CSTF1: variants seen among roughly 807,000 people sequenced by gnomAD.
CSTF1 encodes cleavage stimulation factor subunit 1, also known as CF-1 50 kDa subunit.
Under a neutral mutation model 40.9 loss-of-function variants are expected in CSTF1, and 2 were observed. That is an observed-to-expected ratio of 0.05 (90% confidence interval 0.02 to 0.15). The LOEUF (loss-of-function observed/expected upper bound fraction) is 0.15. Among genes scored for constraint, CSTF1 ranks in the 10% least tolerant of loss-of-function variants. CSTF1 has a pLI of 1.00. For synonymous variants in CSTF1, 218 were observed against 207.2 expected, an observed-to-expected ratio of 1.05 and a Z score of -0.45; for missense variants, 279 against 558.9, an observed-to-expected ratio of 0.50 and a Z score of 5.05.
At chr20:56,403,364 G>A in intron 5 of CSTF1, 104 bp from the exon 6 acceptor site, 1 of 1,321,266 alleles carries the variant, frequency 7.6e-7, no homozygotes, top group South Asian at 1.3e-5. Flanking sequence ...TGTACAAGGT[G>A]TATCACTGCA....
At chr20:56,403,174 CT>C (rs75875923) in intron 5 of CSTF1, among the ~76,000 whole-genome samples, 215 of 145,912 alleles carry the variant, frequency 1.5e-3, no homozygotes, top group Middle Eastern at 7.2e-3. Context: ...TGGTGATCTC[CT>C]TTTTTTTTTT....
intron 2 of CSTF1, among the ~76,000 whole-genome samples, chr20:56,396,229 G>A (rs573094220): frequency 6.6e-6 from 1 of 152,168 alleles, no homozygotes; most frequent in South Asian, 2.1e-4. Flanking sequence ...TCAGGACCTT[G>A]TATTATTCAG....
intron 4 of CSTF1, among the ~76,000 whole-genome samples, chr20:56,398,316 C>A (rs2086170257): frequency 6.6e-6 from 1 of 152,232 alleles, no homozygotes; most frequent in South Asian, 2.1e-4. Context: ...TGTCTGTAAT[C>A]CCAGCACTTT....
chr20:56,400,800 G>T (rs1294520358), intron 5 of CSTF1, among the ~76,000 whole-genome samples: 1 of 152,182 alleles, frequency 6.6e-6, no homozygotes. Flanking sequence ...CAGCACTTTG[G>T]GAGGCCGAGG....
At position 56,400,868 on chromosome 20, in the gene CSTF1, G is replaced by A. The variant is rs562238300; in HGVS notation, c.1036+1511G>A. ...AGCCTGGCCAATATGGTGAAACCCCGTCTCTATGAAAAATACAAAAATTAG... is the reference window on the plus strand; with the variant it reads ...AGCCTGGCCAATATGGTGAAACCCCATCTCTATGAAAAATACAAAAATTAG... On this transcript the variant is annotated intron_variant, in intron 5 of 5. Coordinates refer to ENST00000217109, the MANE Select transcript of CSTF1 (RefSeq NM_001324.3). 3.8e-4 allele frequency among the ~76,000 whole-genome samples: 58 copies of A among 152,152 alleles called. No individual in the cohort carries two copies. In the South Asian group the frequency reaches 0.01, roughly 27 times the overall value.
chr20:56,397,074 G>C lies in CSTF1; in HGVS notation c.170-133G>C. The stretch of plus-strand genomic sequence containing the variant: ...AAATACACAGTTTTGTAAAGTGTTA[G>C]GTGTCACGCGGCTCCAAGAAATAGG... On this transcript the variant is annotated intron_variant, in intron 2 of 5. Transcript: ENST00000217109. The surrounding 1 kb of genome is among the most constrained non-coding windows in gnomAD (Gnocchi z 4.4). The C allele has an allele frequency of 5.6e-6, 5 of 897,462 alleles. No individual in the cohort carries two copies. The highest frequency in any genetic ancestry group is 6.7e-6 in the Non-Finnish European group (4 of 592,764). The allele number at this position is 897,462 out of a possible 1,614,324, so 55.6% of individuals were successfully genotyped here.
At chr20:56,402,083 G>T (rs1978478614) in intron 5 of CSTF1, among the ~76,000 whole-genome samples, 1 of 152,198 alleles carries the variant, frequency 6.6e-6, no homozygotes, top group Non-Finnish European at 1.5e-5. Context: ...AAGGTGGGCA[G>T]ATCATCTGAG....
chr20:56,397,951 C>T lies in CSTF1; in HGVS notation c.645+110C>T. 2 of 878,656 alleles carry T rather than the reference C, an allele frequency of 2.3e-6. No individual in the cohort carries two copies. The highest frequency in any genetic ancestry group is 2.3e-5 in the Admixed American group (1 of 43,146). The allele number at this position is 878,656 out of a possible 1,614,324, so 54.4% of individuals were successfully genotyped here. The stretch of plus-strand genomic sequence containing the variant: ...CAGTGATCATCCTGTAAGATGCGTA[C>T]AGACCAGGATGCATGCCCGATGGCA... On this transcript the variant is annotated intron_variant, in intron 4 of 5. Coordinates refer to ENST00000217109, the MANE Select transcript of CSTF1 (RefSeq NM_001324.3). The surrounding 1 kb of genome is among the most constrained non-coding windows in gnomAD (Gnocchi z 4.4).
Position 56,403,658 on chromosome 20 carries a change from C to T in CSTF1, c.1227C>T (p.Asn409=), listed in dbSNP as rs878942429. The T allele has an allele frequency of 3.7e-6, 6 of 1,614,136 alleles. No homozygotes were observed. In the South Asian group the frequency reaches 6.6e-5, roughly 18 times the overall value. The change falls in exon 6 of 6, where the codon AAC becomes AAT. Residue 409 remains asparagine (N), a synonymous_variant. Coordinates refer to ENST00000217109, the MANE Select transcript of CSTF1 (RefSeq NM_001324.3). ...GCTGCATAGTGCACTCCCCCACCAA[C>T]CCCGGGTTCATGACGTGCAGCGATG... ...IVRCIVHSPT[N]PGFMTCSDDF... is the part of the protein sequence containing the mutation.
rs1490919633 is a variant in CSTF1 at position 56,406,137 on chromosome 20, G to A, written c.*2410G>A. 1.3e-5 allele frequency: 2 copies of A among 151,972 alleles called. No individual in the cohort carries two copies. Among genetic ancestry groups the A allele is most frequent in the Non-Finnish European group, 1.5e-5 (1 of 67,986 alleles). 9.4% of individuals were successfully genotyped at this position (151,972 alleles called of 1,614,324 possible). On this transcript the variant is annotated 3_prime_UTR_variant, in exon 6 of 6. Coordinates refer to ENST00000217109, the MANE Select transcript of CSTF1 (RefSeq NM_001324.3). The stretch of plus-strand genomic sequence containing the variant: ...GGTTTGTTTTTTTTGTGTTTGTTTG[G>A]TTGGTTGGTTTTTGGTTTTTTTGCT...
chr20:56,396,671 A>C (rs1047807094), intron 2 of CSTF1, among the ~76,000 whole-genome samples: 17 of 152,146 alleles, frequency 1.1e-4, no homozygotes, highest in African/African-American at 4.1e-4. Flanking sequence ...CCATAGTGTT[A>C]ATTTTTCCTC....
rs1035681753 is a variant in CSTF1, at chr20:56,399,529, G to A, written c.1036+172G>A. ...CTTACAGGTTAAGTCATTTAGCCAA[G>A]GCTACACGACTTGGAAATAGAACGG... is the stretch of plus-strand genomic sequence containing the variant. On this transcript the variant is annotated intron_variant, in intron 5 of 5. Coordinates refer to ENST00000217109, the MANE Select transcript of CSTF1 (RefSeq NM_001324.3). This position sits in a 1 kb window ranked among gnomAD's most constrained non-coding sequence, Gnocchi z 4.6. Among the ~76,000 whole-genome samples the A allele has an allele frequency of 1.3e-5, 2 of 152,144 alleles. No individual in the cohort carries two copies. The highest frequency in any genetic ancestry group is 2.4e-5 in the African/African-American group (1 of 41,430).
In CSTF1 at chr20:56,406,084, A is replaced by G. The variant is rs1303347485; in HGVS notation, c.*2357A>G. 6.6e-6 allele frequency: 1 copy of G among 151,824 alleles called. No homozygotes were observed. The highest frequency in any genetic ancestry group is 1.5e-5 in the Non-Finnish European group (1 of 68,024). The allele number at this position is 151,824 out of a possible 1,614,324, so 9.4% of individuals were successfully genotyped here. ...AGATCAAGATACTTTTATGTGTTTCAGAAGTAGCTGTTTTTTCATTTTTTG... is the reference window on the plus strand; with the variant it reads ...AGATCAAGATACTTTTATGTGTTTCGGAAGTAGCTGTTTTTTCATTTTTTG... On this transcript the variant is annotated 3_prime_UTR_variant, in exon 6 of 6. Coordinates refer to ENST00000217109, the MANE Select transcript of CSTF1 (RefSeq NM_001324.3).
Position 56,403,943 on chromosome 20 carries a change from C to T in CSTF1, c.*216C>T, listed in dbSNP as rs1004470910. ...ACAGATCTGTGCAGTTCTACATTCA[C>T]TGATTATTACAGTGTGATTTTCATC... On this transcript the variant is annotated 3_prime_UTR_variant, in exon 6 of 6. Coordinates refer to ENST00000217109, the MANE Select transcript of CSTF1 (RefSeq NM_001324.3). 1.2e-5 allele frequency: 6 copies of T among 512,184 alleles called. No homozygotes were observed. The highest frequency in any genetic ancestry group is 6.5e-5 in the Admixed American group (2 of 30,590). 31.7% of individuals were successfully genotyped at this position (512,184 alleles called of 1,614,324 possible). A position where few individuals can be genotyped will look rare whatever the true frequency, so the allele number is the denominator to read the frequency against.
At chr20:56,401,134 A>G (rs1978432286) in intron 5 of CSTF1, among the ~76,000 whole-genome samples, 1 of 152,224 alleles carries the variant, frequency 6.6e-6, no homozygotes, top group Non-Finnish European at 1.5e-5. Context: ...TGGGATGCAA[A>G]AAATTAAAAA....
rs549906113 is a variant in CSTF1, at chr20:56,405,929, C to T, written c.*2202C>T. ...TTCCCTATTATTCTGCTTTGACTCACATACTAAAATGACCACATGGCACTC... is the reference window on the plus strand; with the variant it reads ...TTCCCTATTATTCTGCTTTGACTCATATACTAAAATGACCACATGGCACTC... On this transcript the variant is annotated 3_prime_UTR_variant, in exon 6 of 6. Coordinates refer to ENST00000217109, the MANE Select transcript of CSTF1 (RefSeq NM_001324.3). 225 of 152,340 alleles carry T rather than the reference C, an allele frequency of 1.5e-3. No homozygotes were observed. Among genetic ancestry groups the T allele is most frequent in the African/African-American group, 5.2e-3 (216 of 41,586 alleles). 9.4% of individuals were successfully genotyped at this position (152,340 alleles called of 1,614,324 possible). A position where few individuals can be genotyped will look rare whatever the true frequency, so the allele number is the denominator to read the frequency against.
rs1434463380 is a variant in CSTF1, at chr20:56,395,578, A to G, written c.26A>G (p.Lys9Arg). The G allele has an allele frequency of 6.2e-7, 1 of 1,613,992 alleles. No homozygotes were observed. Among genetic ancestry groups the G allele is most frequent in the African/African-American group, 1.3e-5 (1 of 74,928 alleles). Residue 9 changes from lysine (K) to arginine (R), a missense_variant, in exon 2 of 6, where the codon AAG (lysine) becomes AGG (arginine). Lys to Arg is a conservative substitution (Grantham distance 26). Coordinates refer to ENST00000217109, the MANE Select transcript of CSTF1 (RefSeq NM_001324.3). MYRTKVGLKDRQQLYKLII... is the reference protein window; with the variant it reads MYRTKVGLRDRQQLYKLII... ...ATGTACAGAACCAAAGTGGGCTTGA[A>G]GGACCGCCAGCAGCTCTACAAGCTG...
chr20:56,400,247 T>C lies in CSTF1; in HGVS notation c.1036+890T>C, dbSNP rs541540419. Among the ~76,000 whole-genome samples the C allele has an allele frequency of 4.6e-5, 7 of 152,296 alleles. No individual in the cohort carries two copies. In the South Asian group the frequency reaches 1.2e-3, roughly 27 times the overall value. On this transcript the variant is annotated intron_variant, in intron 5 of 5. Transcript: ENST00000217109. ...ATAACTTGCCTTAGATTTGTCTCAT[T>C]GTAACCAAAGTTCCCTTCCCCAGCC...
rs377054080 is a variant in CSTF1, at chr20:56,403,664, G to A, written c.1233G>A (p.Gly411=). 2 of 1,614,066 alleles carry A rather than the reference G, an allele frequency of 1.2e-6. No individual in the cohort carries two copies. The highest frequency in any genetic ancestry group is 1.7e-6 in the Non-Finnish European group (2 of 1,180,016). ...TAGTGCACTCCCCCACCAACCCCGG[G>A]TTCATGACGTGCAGCGATGACTTCA... ...RCIVHSPTNP[G]FMTCSDDFRA... Residue 411 remains glycine (G), a synonymous_variant, in exon 6 of 6, where the codon GGG becomes GGA. Transcript: ENST00000217109.
Sources: gnomAD v4.1 joint callset for allele counts (sites outside exome capture counted in the v4.1 genomes callset) on GRCh38, gnomAD v4.1.1 for gene constraint, Gnocchi (gnomAD v3.1) non-coding constraint, MANE v1.5 for transcripts, NCBI Gene and HGNC (gene_info 2026-07-23, HGNC 2026-07-21) for gene names.